Variants in ZNF106 observed in about 807,000 individuals in gnomAD.
The protein encoded by ZNF106 is SH3-domain binding protein 3.
In ZNF106, 67 loss-of-function variants were observed where a neutral mutation model predicts 195.1. The ratio of observed to expected loss-of-function variants is 0.34; its 90% CI spans 0.28 to 0.42. The LOEUF (loss-of-function observed/expected upper bound fraction) is 0.42. Among genes scored for constraint, ZNF106 ranks in the 10% least tolerant of loss-of-function variants. The pLI, the probability that ZNF106 is intolerant of heterozygous loss-of-function variation, is 1.00. For synonymous variants in ZNF106, 784 were observed against 818.6 expected, an observed-to-expected ratio of 0.96 and a Z score of 0.72; for missense variants, 2,118 against 2,304.5, an observed-to-expected ratio of 0.92 and a Z score of 1.66.
chr15:42,452,560 C>G (rs948980697), intron 4 of ZNF106, among the ~76,000 whole-genome samples: 4 of 151,978 alleles, frequency 2.6e-5, no homozygotes, highest in African/African-American at 9.7e-5. Context: ...ATATTCCCTC[C>G]CTTTCTTGGT....
At chr15:42,428,653 C>T (rs1403875927) in intron 14 of ZNF106, among the ~76,000 whole-genome samples, 1 of 152,208 alleles carries the variant, frequency 6.6e-6, no homozygotes, top group Non-Finnish European at 1.5e-5. Flanking sequence ...AGCTCCAACC[C>T]CATCCCTGAG....
intron 1 of ZNF106, among the ~76,000 whole-genome samples, chr15:42,489,117 C>A (rs1417719325): frequency 1.3e-5 from 2 of 148,824 alleles, no homozygotes; most frequent in African/African-American, 2.5e-5. Flanking sequence ...CACACACACA[C>A]AATAGGTTCT....
chr15:42,477,635 T>TA (rs2056811855), intron 1 of ZNF106, among the ~76,000 whole-genome samples: 1 of 152,194 alleles, frequency 6.6e-6, no homozygotes, highest in Non-Finnish European at 1.5e-5. Flanking sequence ...ATGCCTGTAA[T>TA]CCCAACACTT....
rs1390607806 is a variant in ZNF106 at position 42,417,082 on chromosome 15, T to C, written c.*222A>G. 6 of 528,182 alleles carry C rather than the reference T, an allele frequency of 1.1e-5. No individual in the cohort carries two copies. Among genetic ancestry groups the C allele is most frequent in the Non-Finnish European group, 2.0e-5 (6 of 296,260 alleles). The allele number at this position is 528,182 out of a possible 1,614,324, so 32.7% of individuals were successfully genotyped here. ...GCCATGCTGTCCCAGAGAAGTATGG[T>C]TCCTTAACATTTGTCTAAATCTATT... On this transcript the variant is annotated 3_prime_UTR_variant, in exon 22 of 22. Coordinates refer to ENST00000564754, the MANE Select transcript of ZNF106 (RefSeq NM_001366845.3).
At position 42,416,296 on chromosome 15, in the gene ZNF106, C is replaced by T. The variant is rs1455626513; in HGVS notation, c.*1008G>A. On this transcript the variant is annotated 3_prime_UTR_variant, in exon 22 of 22. Coordinates refer to ENST00000564754, the MANE Select transcript of ZNF106 (RefSeq NM_001366845.3). ...TGTATTCAGATGCTTTATTCTAACC[C>T]CCTCTCCCCCACCATCTTAGTTGCT... The T allele has an allele frequency of 6.6e-6, 1 of 152,330 alleles. No individual in the cohort carries two copies. The allele number at this position is 152,330 out of a possible 1,614,324, so 9.4% of individuals were successfully genotyped here.
At chr15:42,444,715 T>C in intron 8 of ZNF106, 112 bp downstream of exon 8, 2 of 1,388,382 alleles carry the variant, frequency 1.4e-6, no homozygotes, top group Non-Finnish European at 9.8e-7. Context: ...GCACTTCCCT[T>C]GTGGAAACTC....
intron 1 of ZNF106, among the ~76,000 whole-genome samples, chr15:42,487,124 T>C (rs1175764337): frequency 6.6e-6 from 1 of 151,924 alleles, no homozygotes; most frequent in Non-Finnish European, 1.5e-5. Flanking sequence ...CACTCCAGCC[T>C]GGGCAACAAG....
intron 15 of ZNF106, among the ~76,000 whole-genome samples, chr15:42,426,481 C>G (rs902532853): frequency 2.6e-5 from 4 of 151,660 alleles, no homozygotes; most frequent in Non-Finnish European, 5.9e-5. Context: ...CTCACTGCAG[C>G]CTTGAAGTCC....
chr15:42,453,478 G>C (rs138869689), intron 4 of ZNF106, among the ~76,000 whole-genome samples: 1 of 152,304 alleles, frequency 6.6e-6, no homozygotes, highest in African/African-American at 2.4e-5. Flanking sequence ...CATGTGGTAA[G>C]TGCTCAAAAT....
At chr15:42,434,474 G>C (rs922593493) in intron 14 of ZNF106, among the ~76,000 whole-genome samples, 5 of 152,174 alleles carry the variant, frequency 3.3e-5, no homozygotes, top group Non-Finnish European at 5.9e-5. Flanking sequence ...TAACAAGCTA[G>C]TTCAAATTAA....
chr15:42,442,369 A>T lies in ZNF106; in HGVS notation c.3467T>A (p.Leu1156His). 3 of 1,614,126 alleles carry T rather than the reference A, an allele frequency of 1.9e-6. No individual in the cohort carries two copies. Among genetic ancestry groups the T allele is most frequent in the Non-Finnish European group, 2.5e-6 (3 of 1,179,980 alleles). ...SEHPDQVPCS[L>H]TRERRNSRSQ... ...TCTACTGTTCCTTCGTTCTCGTGTG[A>T]GGCTACAGGGAACCTGGTCTGGGTG... is the stretch of plus-strand genomic sequence containing the variant. The change falls in exon 10 of 22, where the codon CTC (leucine) becomes CAC (histidine). Residue 1156 changes from leucine to histidine, a missense_variant. Physicochemically the swap from Leu to His is moderately conservative, Grantham distance 99 (BLOSUM62 -3). Coordinates refer to ENST00000564754, the MANE Select transcript of ZNF106 (RefSeq NM_001366845.3).
chr15:42,448,715 G>C lies in ZNF106; in HGVS notation c.2502-10C>G. 7 of 1,567,902 alleles carry C rather than the reference G, an allele frequency of 4.5e-6. No individual in the cohort carries two copies. The South Asian group carries it at 8.1e-5, about 18-fold the overall frequency. On this transcript the variant is annotated splice_polypyrimidine_tract_variant and intron_variant, in intron 5 of 21. Transcript: ENST00000564754. ...CATTTCTATGCCAAACCTTAAGGAAGAAAGAAAAAATGAAAACATAAATTG... is the reference window on the plus strand; with the variant it reads ...CATTTCTATGCCAAACCTTAAGGAACAAAGAAAAAATGAAAACATAAATTG...
rs1284071416 is a variant in ZNF106 at position 42,449,870 on chromosome 15, AG to A, written c.2401del (p.Leu801TyrfsTer5). 1.9e-6 allele frequency: 3 copies of A among 1,614,190 alleles called. No homozygotes were observed. The highest frequency in any genetic ancestry group is 3.3e-5 in the Admixed American group (2 of 60,024). ...TEKESGLKPT[L>X]RQILNASRRN... ...CCGAGATGCATTTAGAATCTGCCGT[AG>A]GGTTGGCTTGAGCCCAGACTCCTTC... is the stretch of plus-strand genomic sequence containing the variant. On this transcript the variant is annotated frameshift_variant, in exon 5 of 22. Coordinates refer to ENST00000564754, the MANE Select transcript of ZNF106 (RefSeq NM_001366845.3). LOFTEE classifies it high-confidence loss of function.
At chr15:42,472,856 A>G (rs1192249396) in intron 1 of ZNF106, among the ~76,000 whole-genome samples, 14 of 152,124 alleles carry the variant, frequency 9.2e-5, no homozygotes, top group Non-Finnish European at 1.8e-4. Context: ...CTCAAAATAC[A>G]TAAATTAGCT....
At position 42,430,637 on chromosome 15, in the gene ZNF106, G is replaced by A. The variant is rs2055016485; in HGVS notation, c.4882-2503C>T. ...TGGGCTCAAGCGATCCTCCCAACTT[G>A]GCCTCCTAAAGTGTTAAGATTATAG... On this transcript the variant is annotated intron_variant, in intron 14 of 21. Coordinates refer to ENST00000564754, the MANE Select transcript of ZNF106 (RefSeq NM_001366845.3). Among the ~76,000 whole-genome samples the A allele has an allele frequency of 2.0e-5, 3 of 151,756 alleles. No individual in the cohort carries two copies. In the South Asian group the frequency reaches 6.2e-4, roughly 32 times the overall value.
intron 1 of ZNF106, among the ~76,000 whole-genome samples, chr15:42,480,662 T>G (rs1248818611): frequency 3.9e-5 from 6 of 152,176 alleles, no homozygotes; most frequent in Non-Finnish European, 8.8e-5. Flanking sequence ...CCAACATATA[T>G]CTTTACCATT....
At chr15:42,472,623 G>A (rs1447203657) in intron 1 of ZNF106, among the ~76,000 whole-genome samples, 1 of 152,104 alleles carries the variant, frequency 6.6e-6, no homozygotes, top group Non-Finnish European at 1.5e-5. Flanking sequence ...CTACTGAAAC[G>A]ACTCCTTCCT....
chr15:42,470,287 GGA>G (rs2056636125), intron 2 of ZNF106, among the ~76,000 whole-genome samples: 1 of 152,010 alleles, frequency 6.6e-6, no homozygotes, highest in Non-Finnish European at 1.5e-5. Flanking sequence ...TAGTTTATTT[GGA>G]GAAACCAGAG....
At chr15:42,475,475 CT>C (rs1241978238) in intron 1 of ZNF106, among the ~76,000 whole-genome samples, 1 of 152,050 alleles carries the variant, frequency 6.6e-6, no homozygotes, top group African/African-American at 2.4e-5. Flanking sequence ...ATTCAAAACA[CT>C]AAAGTAAGAT....
Sources: allele counts gnomAD v4.1 joint callset (sites outside exome capture counted in the v4.1 genomes callset), GRCh38; gene constraint gnomAD v4.1.1; transcripts MANE v1.5; gene names NCBI Gene and HGNC (gene_info 2026-07-23, HGNC 2026-07-21).